The following URB1 variants were observed in gnomAD, a reference collection of about 807,000 sequenced individuals.
URB1 encodes the protein URB1 ribosome biogenesis factor.
In URB1, 197 loss-of-function variants were observed where a neutral mutation model predicts 242.3. The observed-to-expected ratio is 0.81, with a 90% CI of 0.72 to 0.91. The LOEUF is 0.91. URB1 is among the 40% of genes least tolerant of loss of function. The pLI, the probability that URB1 is intolerant of heterozygous loss-of-function variation, is 0.00. For missense variants in URB1, 2,721 were observed against 2,860.5 expected, an observed-to-expected ratio of 0.95 and a Z score of 1.11; for synonymous variants, 1,153 against 1,201.8, an observed-to-expected ratio of 0.96 and a Z score of 0.84.
intron 27 of URB1, 63 bp from the exon 28 acceptor site, chr21:32,337,220 C>T (rs373138811): frequency 1.3e-6 from 2 of 1,512,258 alleles, no homozygotes; most frequent in Non-Finnish European, 1.8e-6. Flanking sequence ...GCTGCTCCCA[C>T]CACCTGCCCT....
At chr21:32,319,473 A>T (rs2032738936) in intron 35 of URB1, 59 bp from the exon 36 acceptor site, 2 of 1,414,806 alleles carry the variant, frequency 1.4e-6, no homozygotes, top group Admixed American at 3.0e-5. Context: ...GCAGGATCAG[A>T]CTATCGCCCT....
At chr21:32,378,785 A>C (rs1333693020) in intron 4 of URB1, among the ~76,000 whole-genome samples, 1 of 152,192 alleles carries the variant, frequency 6.6e-6, no homozygotes, top group Non-Finnish European at 1.5e-5. Flanking sequence ...CCCTATTCTC[A>C]ATACAAAAGT....
Position 32,311,423 on chromosome 21 carries a change from CATCCTAAAT to C in URB1, c.*3486_*3494del. 1 of 292,250 alleles carries C rather than the reference CATCCTAAAT, an allele frequency of 3.4e-6. No individual in the cohort carries two copies. Among genetic ancestry groups the C allele is most frequent in the South Asian group, 1.1e-4 (1 of 9,030 alleles). The allele number at this position is 292,250 out of a possible 1,614,324, so 18.1% of individuals were successfully genotyped here. Reference sequence around the variant, plus strand: ...GCTCCCCTCCACCCCCCACCCCCCCCATCCTAAATCAATGTAGGAAGAAGTGGCCTCCAG... The same window carrying C: ...GCTCCCCTCCACCCCCCACCCCCCCCCAATGTAGGAAGAAGTGGCCTCCAG... On this transcript the variant is annotated 3_prime_UTR_variant, in exon 39 of 39. Transcript: ENST00000382751.
At chr21:32,348,514 G>A (rs964628837) in intron 21 of URB1, among the ~76,000 whole-genome samples, 2 of 152,164 alleles carry the variant, frequency 1.3e-5, no homozygotes, top group African/African-American at 4.8e-5. Flanking sequence ...CTGGATTAGA[G>A]AATAATTTCA....
rs1045748307 is a variant in URB1, at chr21:32,345,356, C to G, written c.4070+18G>C. Reference sequence around the variant, plus strand: ...CACCGAGAGTGGAACATCCTGCAACCAACCTGAGCCTTCATACCTCTTGTG... The same window carrying G: ...CACCGAGAGTGGAACATCCTGCAACGAACCTGAGCCTTCATACCTCTTGTG... On this transcript the variant is annotated intron_variant, in intron 23 of 38. Coordinates refer to ENST00000382751, the MANE Select transcript of URB1 (RefSeq NM_014825.3). 1 of 1,546,638 alleles carries G rather than the reference C, an allele frequency of 6.5e-7. No homozygotes were observed. The highest frequency in any genetic ancestry group is 8.7e-7 in the Non-Finnish European group (1 of 1,143,792).
Position 32,315,062 on chromosome 21 carries a change from G to A in URB1, c.6672C>T (p.Asp2224=), listed in dbSNP as rs1792067306. 1 of 1,546,658 alleles carries A rather than the reference G, an allele frequency of 6.5e-7. No homozygotes were observed. Among genetic ancestry groups the A allele is most frequent in the Non-Finnish European group, 8.7e-7 (1 of 1,143,422 alleles). ...CCGGCCGCTGAGCCCCCAGCCAGAT[G>A]TCCTTTATGTAGAGAGACACTAGGA... ...AAFLVSLYIK[D]IWLGAQRPDT... The change falls in exon 39 of 39, where the codon GAC becomes GAT. Residue 2224 remains aspartate (D), a synonymous_variant. Coordinates refer to ENST00000382751, the MANE Select transcript of URB1 (RefSeq NM_014825.3).
At chr21:32,390,456 AC>A (rs2033625611) in intron 1 of URB1, among the ~76,000 whole-genome samples, 1 of 143,372 alleles carries the variant, frequency 7.0e-6, no homozygotes, top group African/African-American at 2.7e-5. Flanking sequence ...TCCTTTGCCC[AC>A]TTTTTGATGG....
At chr21:32,348,129 G>A (rs568816314) in intron 21 of URB1, among the ~76,000 whole-genome samples, 1 of 152,206 alleles carries the variant, frequency 6.6e-6, no homozygotes, top group African/African-American at 2.4e-5. Context: ...CCCAGCCTGG[G>A]TGAATTTCCA....
intron 26 of URB1, 148 bp from the exon 27 acceptor site, chr21:32,337,662 C>G: frequency 1.8e-6 from 1 of 549,956 alleles, no homozygotes; most frequent in Non-Finnish European, 3.2e-6. Context: ...CTAATCCCTT[C>G]CCCGCTTATT....
intron 24 of URB1, among the ~76,000 whole-genome samples, chr21:32,344,037 T>C (rs907271120): frequency 5.3e-5 from 8 of 152,152 alleles, no homozygotes; most frequent in Admixed American, 1.3e-4. Flanking sequence ...ACTATCAACA[T>C]AGAATTTTAT....
intron 21 of URB1, among the ~76,000 whole-genome samples, chr21:32,348,810 T>A (rs1027622463): frequency 6.6e-6 from 1 of 152,226 alleles, no homozygotes; most frequent in African/African-American, 2.4e-5. Flanking sequence ...ATATTTCAAT[T>A]AGATTGTGCA....
intron 28 of URB1, among the ~76,000 whole-genome samples, chr21:32,334,919 G>A (rs2032940463): frequency 6.6e-6 from 1 of 152,178 alleles, no homozygotes; most frequent in Non-Finnish European, 1.5e-5. Flanking sequence ...CGCCACCACA[G>A]CTGTCAGAGG....
chr21:32,325,577 G>A (rs1395871229), intron 30 of URB1, among the ~76,000 whole-genome samples, 188 bp from the exon 31 acceptor site: 1 of 152,116 alleles, frequency 6.6e-6, no homozygotes, highest in Non-Finnish European at 1.5e-5. Flanking sequence ...TCCTTTATGT[G>A]GCAATAATGA....
In URB1 at chr21:32,324,623, G is replaced by C. The variant is rs766178815; in HGVS notation, c.5122-21C>G. 4.6e-6 allele frequency: 7 copies of C among 1,528,702 alleles called. 1 individual carries two copies. In the South Asian group the frequency reaches 8.4e-5, roughly 18 times the overall value. The allele number at this position is 1,528,702 out of a possible 1,614,324, so 94.7% of individuals were successfully genotyped here. A position where few individuals can be genotyped will look rare whatever the true frequency, so the allele number is the denominator to read the frequency against. ...AGTAGCTTGAAAACAGAACAGAAAA[G>C]GAAAATGTAAGATGAGCGTGTTCAG... is the stretch of plus-strand genomic sequence containing the variant. On this transcript the variant is annotated intron_variant, in intron 31 of 38. Transcript: ENST00000382751.
At chr21:32,354,242 T>G (rs578035652) in intron 17 of URB1, 139 bp from the exon 18 acceptor site, 2 of 945,470 alleles carry the variant, frequency 2.1e-6, no homozygotes, top group African/African-American at 3.3e-5. Context: ...TTTAACATAG[T>G]TTGACCCTAA....
At chr21:32,328,183 G>T (rs2032852025) in intron 30 of URB1, among the ~76,000 whole-genome samples, 1 of 152,200 alleles carries the variant, frequency 6.6e-6, no homozygotes, top group Non-Finnish European at 1.5e-5. Context: ...TGTCGCCCAG[G>T]CTGGAGTGCA....
In URB1 at chr21:32,350,948, G is replaced by A. The variant is rs754486566; in HGVS notation, c.2614-26C>T. 30 of 1,534,264 alleles carry A rather than the reference G, an allele frequency of 2.0e-5. No individual in the cohort carries two copies. In the South Asian group the frequency reaches 2.9e-4, roughly 15 times the overall value. ...CTGAGGGAGACAGCAAAAGGCCGGG[G>A]AAGAGAAAGACACATCACCACAGAT... On this transcript the variant is annotated intron_variant, in intron 19 of 38. Coordinates refer to ENST00000382751, the MANE Select transcript of URB1 (RefSeq NM_014825.3).
intron 30 of URB1, among the ~76,000 whole-genome samples, chr21:32,331,241 C>G (rs906734122): frequency 6.6e-6 from 1 of 152,160 alleles, no homozygotes; most frequent in Non-Finnish European, 1.5e-5. Context: ...GGAACTGCAA[C>G]AGTTCTCCCT....
intron 15 of URB1, 21 bp downstream of exon 15, chr21:32,357,516 A>G (rs927060984): frequency 1.3e-6 from 2 of 1,489,654 alleles, no homozygotes; most frequent in East Asian, 5.2e-5. Context: ...TCAGAGTTAG[A>G]AACTGGTAGA....
Sources: allele counts gnomAD v4.1 joint callset (sites outside exome capture counted in the v4.1 genomes callset), GRCh38; gene constraint gnomAD v4.1.1; transcripts MANE v1.5; gene names NCBI Gene and HGNC (gene_info 2026-07-23, HGNC 2026-07-21).